Variants in MAGI1 observed in about 807,000 individuals in gnomAD.
MAGI1 encodes the protein membrane-associated guanylate kinase, WW and PDZ domain-containing protein 1.
A neutral mutation model predicts 139.9 loss-of-function variants in MAGI1; 58 were observed. That is an observed-to-expected ratio of 0.41 (90% CI 0.34 to 0.52). The LOEUF (loss-of-function observed/expected upper bound fraction) is 0.52, where lower values mean the gene tolerates loss of function less well. Among genes scored for constraint, MAGI1 ranks in the 20% least tolerant of loss-of-function variants. The probability of loss-of-function intolerance (pLI) is 0.12; values close to 1 mark genes in which losing one functional copy is unlikely to be tolerated. For synonymous variants in MAGI1, 812 were observed against 737.9 expected, an observed-to-expected ratio of 1.10 and a Z score of -1.63; for missense variants, 1,874 against 1,901.6, an observed-to-expected ratio of 0.99 and a Z score of 0.27.
intron 1 of MAGI1, among the ~76,000 whole-genome samples, chr3:65,850,657 C>T (rs2059169761): frequency 6.6e-6 from 1 of 152,110 alleles, no homozygotes; most frequent in Non-Finnish European, 1.5e-5. Context: ...TACAGGGGCA[C>T]ACTGGAGAAA....
chr3:65,376,517 T>C (rs1450571468), intron 17 of MAGI1, among the ~76,000 whole-genome samples: 1 of 152,172 alleles, frequency 6.6e-6, no homozygotes, highest in Admixed American at 6.5e-5. Context: ...CTTTCTGCCT[T>C]CTCCCCAGAA....
intron 1 of MAGI1, among the ~76,000 whole-genome samples, chr3:65,818,653 G>A (rs888732425): frequency 6.6e-6 from 1 of 152,136 alleles, no homozygotes; most frequent in African/African-American, 2.4e-5. Context: ...AATAACTCAA[G>A]GGGAAGGCAG....
chr3:65,569,864 G>C, intron 2 of MAGI1, among the ~76,000 whole-genome samples: 1 of 151,228 alleles, frequency 6.6e-6, no homozygotes, highest in African/African-American at 2.4e-5. Context: ...AATACAGCGA[G>C]ACCCTGTCTC....
chr3:65,577,364 A>G (rs987173630), intron 2 of MAGI1, among the ~76,000 whole-genome samples: 1 of 152,230 alleles, frequency 6.6e-6, no homozygotes, highest in African/African-American at 2.4e-5. Context: ...GCAAAATCAG[A>G]GCAGTGCAGG....
chr3:65,946,640 T>A (rs1230069582), intron 1 of MAGI1, among the ~76,000 whole-genome samples: 1 of 152,030 alleles, frequency 6.6e-6, no homozygotes, highest in Non-Finnish European at 1.5e-5. Context: ...GGCCTCACTG[T>A]TTTGCAGTCA....
At chr3:65,962,844 A>G (rs2064512841) in intron 1 of MAGI1, among the ~76,000 whole-genome samples, 1 of 151,112 alleles carries the variant, frequency 6.6e-6, no homozygotes, top group Non-Finnish European at 1.5e-5. Context: ...AAAAAAAAAA[A>G]AAAGAAGCAG....
chr3:65,811,971 C>T lies in MAGI1; in HGVS notation c.314-189883G>A, dbSNP rs367565490. On this transcript the variant is annotated intron_variant, in intron 1 of 22. Coordinates refer to ENST00000402939, the MANE Select transcript of MAGI1 (RefSeq NM_001033057.2). ...GTGTGTGTGTGTGTGAGAGAGAGAG[C>T]GTGCACTCGCAGCTATAAACACAAA... is the stretch of plus-strand genomic sequence containing the variant. Among the ~76,000 whole-genome samples, 1,385 of 150,586 alleles carry T rather than the reference C, an allele frequency of 9.2e-3. 26 individuals are homozygous for T. The highest frequency in any genetic ancestry group is 0.032 in the African/African-American group (1,303 of 40,970).
chr3:65,769,359 T>TG, intron 1 of MAGI1, among the ~76,000 whole-genome samples: 1 of 152,298 alleles, frequency 6.6e-6, no homozygotes, highest in East Asian at 1.9e-4. Flanking sequence ...CATGATGTTG[T>TG]GTACCTGTAG....
chr3:65,396,171 C>T (rs1944381099), intron 13 of MAGI1, among the ~76,000 whole-genome samples: 1 of 152,084 alleles, frequency 6.6e-6, no homozygotes. Flanking sequence ...ATCCATGCAC[C>T]ACATCTCTAC....
At chr3:65,450,938 C>A (rs1948996816) in intron 6 of MAGI1, among the ~76,000 whole-genome samples, 1 of 152,086 alleles carries the variant, frequency 6.6e-6, no homozygotes, top group Non-Finnish European at 1.5e-5. Flanking sequence ...ACAGAAAATG[C>A]AAACTGATAC....
rs144473842 is a variant in MAGI1 at position 65,621,744 on chromosome 3, G to T, written c.430+228C>A. On this transcript the variant is annotated intron_variant, in intron 2 of 22. Transcript: ENST00000402939. ...TCCTTTCCACTAATGTGAAAAGTGG[G>T]CCTTACAAAGGGTAGATAATTTGCC... is the stretch of plus-strand genomic sequence containing the variant. Among the ~76,000 whole-genome samples, 3 of 152,252 alleles carry T rather than the reference G, an allele frequency of 2.0e-5. No homozygotes were observed. The East Asian group carries it at 5.8e-4, about 29-fold the overall frequency.
At chr3:65,402,600 G>C (rs1178606213) in intron 12 of MAGI1, among the ~76,000 whole-genome samples, 1 of 152,116 alleles carries the variant, frequency 6.6e-6, no homozygotes, top group Non-Finnish European at 1.5e-5. Context: ...TGCTGCACCG[G>C]AGATTTCAAC....
At chr3:65,651,825 CCTT>C (rs2085600662) in intron 1 of MAGI1, among the ~76,000 whole-genome samples, 1 of 152,164 alleles carries the variant, frequency 6.6e-6, no homozygotes, top group Admixed American at 6.6e-5. Flanking sequence ...TATAAGTCAA[CCTT>C]CTCCCCACTC....
intron 1 of MAGI1, among the ~76,000 whole-genome samples, chr3:66,020,069 T>C (rs2067879097): frequency 6.6e-6 from 1 of 152,198 alleles, no homozygotes; most frequent in Non-Finnish European, 1.5e-5. Context: ...GTACATGACG[T>C]TCCTCTGGGT....
intron 1 of MAGI1, among the ~76,000 whole-genome samples, chr3:65,627,816 A>G (rs1014432212): frequency 6.6e-6 from 1 of 151,906 alleles, no homozygotes; most frequent in Non-Finnish European, 1.5e-5. Flanking sequence ...ATATTTCTGT[A>G]TCTTATCTAT....
In MAGI1 at chr3:65,470,331, T is replaced by C. The variant is rs1950482879; in HGVS notation, c.911A>G (p.Glu304Gly). ...SAEDNLGPLP[E>G]NWEMAYTENG... is the part of the protein sequence containing the mutation. ...TTCAGTATAGGCCATCTCCCAGTTTTCAGGTAGAGGACCTAAATTATCCTC... is the reference window on the plus strand; with the variant it reads ...TTCAGTATAGGCCATCTCCCAGTTTCCAGGTAGAGGACCTAAATTATCCTC... The change falls in exon 5 of 23, where the codon GAA (glutamate) becomes GGA (glycine). Residue 304 changes from glutamate to glycine, a missense_variant. By Grantham distance (98) the Glu-to-Gly change is moderately conservative. Coordinates refer to ENST00000402939, the MANE Select transcript of MAGI1 (RefSeq NM_001033057.2). The C allele has an allele frequency of 6.2e-7, 1 of 1,613,536 alleles. No individual in the cohort carries two copies. The highest frequency in any genetic ancestry group is 1.1e-5 in the South Asian group (1 of 91,068).
At chr3:65,737,049 G>T (rs927359023) in intron 1 of MAGI1, among the ~76,000 whole-genome samples, 2 of 151,438 alleles carry the variant, frequency 1.3e-5, no homozygotes, top group Non-Finnish European at 2.9e-5. Context: ...TCTGTCCCTA[G>T]GCTGGAGTGC....
chr3:65,491,564 A>T (rs995249138), intron 3 of MAGI1, among the ~76,000 whole-genome samples: 3 of 152,230 alleles, frequency 2.0e-5, no homozygotes, highest in Admixed American at 1.3e-4. Flanking sequence ...ATAATAACTG[A>T]TTGCAGATGA....
Position 65,353,623 on chromosome 3 carries a change from A to G in MAGI1, c.*2755T>C, listed in dbSNP as rs1223309594. ...CTTAAAAAATACAATTAGGGTGTTG[A>G]GTCCTCCCCCCCAACATTCTTTCAG... is the stretch of plus-strand genomic sequence containing the variant. On this transcript the variant is annotated 3_prime_UTR_variant, in exon 23 of 23. Transcript: ENST00000402939. 2 of 152,198 alleles carry G rather than the reference A, an allele frequency of 1.3e-5. No individual in the cohort carries two copies. Among genetic ancestry groups the G allele is most frequent in the African/African-American group, 4.8e-5 (2 of 41,452 alleles). 9.4% of individuals were successfully genotyped at this position (152,198 alleles called of 1,614,324 possible).
Sources: gnomAD v4.1 joint callset for allele counts (sites outside exome capture counted in the v4.1 genomes callset) on GRCh38, gnomAD v4.1.1 for gene constraint, MANE v1.5 for transcripts, NCBI Gene and HGNC (gene_info 2026-07-23, HGNC 2026-07-21) for gene names.